HERC4: variants seen among roughly 807,000 people sequenced by gnomAD.
HERC4 encodes the protein HECT and RLD domain containing E3 ubiquitin protein ligase 4, also known as probable E3 ubiquitin-protein ligase HERC4.
HERC4 carries 28 observed loss-of-function variants against 124.3 expected under a neutral mutation model. That is an observed-to-expected ratio of 0.23 (90% confidence interval 0.17 to 0.31). HERC4 has a LOEUF of 0.31. Among genes scored for constraint, HERC4 ranks in the 10% least tolerant of loss-of-function variants. The pLI, the probability that HERC4 is intolerant of heterozygous loss-of-function variation, is 1.00. For missense variants in HERC4, 713 were observed against 1,229.3 expected (o/e 0.58, Z 6.28); for synonymous variants, 407 against 421.5 (o/e 0.97, Z 0.42).
At chr10:67,989,266 T>C (rs1440335168) in intron 14 of HERC4, among the ~76,000 whole-genome samples, 1 of 152,102 alleles carries the variant, frequency 6.6e-6, no homozygotes, top group East Asian at 1.9e-4. Context: ...GGTTGAAATA[T>C]TGTGAACCAC....
chr10:68,026,995 T>C (rs1322567262), intron 7 of HERC4, among the ~76,000 whole-genome samples: 2 of 152,108 alleles, frequency 1.3e-5, no homozygotes, highest in African/African-American at 4.8e-5. Flanking sequence ...CGAGACTCTG[T>C]CACAAAACAA....
intron 21 of HERC4, among the ~76,000 whole-genome samples, chr10:67,936,549 C>T (rs997501363): frequency 5.9e-5 from 9 of 152,112 alleles, no homozygotes; most frequent in East Asian, 1.9e-4. Context: ...TTTCCTTAGA[C>T]GAGTGATAAA....
intron 3 of HERC4, among the ~76,000 whole-genome samples, chr10:68,056,792 T>C (rs536158683): frequency 3.3e-5 from 5 of 152,244 alleles, no homozygotes; most frequent in South Asian, 2.1e-4. Context: ...AAGGACCCAA[T>C]AGTTTAAAGT....
intron 15 of HERC4, among the ~76,000 whole-genome samples, chr10:67,983,852 A>T (rs1454717990): frequency 2.0e-5 from 3 of 151,190 alleles, no homozygotes; most frequent in African/African-American, 7.3e-5. Context: ...AATCCCAGCT[A>T]CTCAGGAGGC....
At chr10:68,015,132 G>A (rs746602127) in intron 8 of HERC4, among the ~76,000 whole-genome samples, 3 of 151,670 alleles carry the variant, frequency 2.0e-5, no homozygotes, top group Non-Finnish European at 4.4e-5. Context: ...AAACAACAGT[G>A]TCTCAGTTCC....
At chr10:67,959,291 C>A (rs2034346031) in intron 16 of HERC4, among the ~76,000 whole-genome samples, 1 of 152,006 alleles carries the variant, frequency 6.6e-6, no homozygotes, top group Non-Finnish European at 1.5e-5. Context: ...CAAATACACC[C>A]CCTACACAAG....
intron 19 of HERC4, among the ~76,000 whole-genome samples, chr10:67,941,936 G>A (rs560902270): frequency 1.3e-5 from 2 of 152,128 alleles, no homozygotes; most frequent in East Asian, 1.9e-4. Flanking sequence ...GATTACAGGC[G>A]TGAGCCACCG....
chr10:68,023,674 G>A (rs2038760494), intron 8 of HERC4, among the ~76,000 whole-genome samples: 1 of 152,158 alleles, frequency 6.6e-6, no homozygotes, highest in African/African-American at 2.4e-5. Flanking sequence ...ACCATGGACT[G>A]TATACTTAAA....
intron 3 of HERC4, among the ~76,000 whole-genome samples, chr10:68,059,297 G>T (rs1035870349): frequency 6.6e-6 from 1 of 150,894 alleles, no homozygotes; most frequent in South Asian, 2.1e-4. Context: ...GGTTGATGTG[G>T]TTGAGTGTCC....
At chr10:67,935,348 C>T (rs2032261336) in intron 22 of HERC4, among the ~76,000 whole-genome samples, 1 of 152,056 alleles carries the variant, frequency 6.6e-6, no homozygotes, top group South Asian at 2.1e-4. Flanking sequence ...GGTTTCACTG[C>T]ATTAGCCAGG....
chr10:68,062,561 G>A (rs958337410), intron 3 of HERC4, among the ~76,000 whole-genome samples: 2 of 151,834 alleles, frequency 1.3e-5, no homozygotes, highest in Non-Finnish European at 2.9e-5. Flanking sequence ...AGACCAGTAT[G>A]GTCAACACAG....
chr10:67,995,523 T>C (rs1201427097), intron 9 of HERC4, among the ~76,000 whole-genome samples: 1 of 152,008 alleles, frequency 6.6e-6, no homozygotes, highest in East Asian at 1.9e-4. Context: ...GAACTTCCAT[T>C]AATTTCCTTT....
rs575406425 is a variant in HERC4 at position 67,931,141 on chromosome 10, T to C, written c.2838+1456A>G. Among the ~76,000 whole-genome samples, 154 of 151,742 alleles carry C rather than the reference T, an allele frequency of 1.0e-3. 1 individual carries two copies. Among genetic ancestry groups the C allele is most frequent in the Non-Finnish European group, 1.9e-3 (127 of 67,892 alleles). Reference sequence around the variant, plus strand: ...TTGGGACTATAGGCGTGCGACACTATGCCCAAATTTTTGTATATTTAGTAG... The same window carrying C: ...TTGGGACTATAGGCGTGCGACACTACGCCCAAATTTTTGTATATTTAGTAG... On this transcript the variant is annotated intron_variant, in intron 23 of 24. Coordinates refer to ENST00000373700, the MANE Select transcript of HERC4 (RefSeq NM_015601.4).
intron 23 of HERC4, among the ~76,000 whole-genome samples, chr10:67,927,970 T>A (rs980836489): frequency 6.6e-6 from 1 of 152,066 alleles, no homozygotes; most frequent in African/African-American, 2.4e-5. Flanking sequence ...ACAGGATACG[T>A]GTGCAGGAGA....
At chr10:67,989,860 A>G (rs1013652205) in intron 14 of HERC4, among the ~76,000 whole-genome samples, 13 of 152,014 alleles carry the variant, frequency 8.6e-5, no homozygotes, top group African/African-American at 1.4e-4. Context: ...GAAGATTTAA[A>G]GCCCATGTTT....
rs35133402 is a variant in HERC4, at chr10:68,014,174, A to T, written c.921T>A (p.Ser307=). ...TEIACGRQHT[S]AFVPSSGRIY... is the part of the protein sequence containing the mutation. ...TTCGTCCTGATGAAGGAACAAAAGC[A>T]GAAGTGTGCTGCCTAGAGTAAAATG... Residue 307 remains serine, a synonymous_variant, in exon 9 of 25, where the codon TCT becomes TCA. Coordinates refer to ENST00000373700, the MANE Select transcript of HERC4 (RefSeq NM_015601.4). 5.0e-6 allele frequency: 8 copies of T among 1,609,964 alleles called. No individual in the cohort carries two copies. The Admixed American group carries it at 6.8e-5, about 14-fold the overall frequency.
chr10:67,987,794 C>T (rs1443765616), intron 15 of HERC4, among the ~76,000 whole-genome samples: 5 of 151,872 alleles, frequency 3.3e-5, no homozygotes, highest in African/African-American at 4.8e-5. Flanking sequence ...AATAAATGGC[C>T]GGTAAAGGTT....
intron 9 of HERC4, among the ~76,000 whole-genome samples, chr10:68,006,848 A>T (rs1193016123): frequency 1.3e-5 from 2 of 152,094 alleles, no homozygotes; most frequent in African/African-American, 4.8e-5. Flanking sequence ...CTGCTGCCAG[A>T]TGTACTGGAG....
rs139040091 is a variant in HERC4 at position 67,969,514 on chromosome 10, T to C, written c.1807-2712A>G. On this transcript the variant is annotated intron_variant, in intron 15 of 24. Transcript: ENST00000373700. ...GCAGAATATCAAGAGCCTCTCTCAA[T>C]GGTACAAGGAATTAGCTGCCACATG... 2.9e-3 allele frequency among the ~76,000 whole-genome samples: 446 copies of C among 152,086 alleles called. 1 individual carries two copies. The highest frequency in any genetic ancestry group is 0.01 in the African/African-American group (434 of 41,494).
Sources: gnomAD v4.1 joint callset for allele counts (sites outside exome capture counted in the v4.1 genomes callset) on GRCh38, gnomAD v4.1.1 for gene constraint, MANE v1.5 for transcripts, NCBI Gene and HGNC (gene_info 2026-07-23, HGNC 2026-07-21) for gene names.